The following ZPBP variants were observed in gnomAD, a reference collection of about 807,000 sequenced individuals.
The protein encoded by ZPBP is zona pellucida-binding protein 1.
ZPBP carries 26 observed loss-of-function variants against 44.8 expected under a neutral mutation model. The observed-to-expected ratio is 0.58, with a 90% CI of 0.43 to 0.81. ZPBP has a LOEUF of 0.81. Ranked by LOEUF, ZPBP falls within the 30% of genes least tolerant of loss-of-function variation. ZPBP has a pLI of 0.00. For missense variants in ZPBP, 409 were observed against 434.0 expected, an observed-to-expected ratio of 0.94 and a Z score of 0.51; for synonymous variants, 174 against 153.2, an observed-to-expected ratio of 1.14 and a Z score of -1.00.
intron 4 of ZPBP, among the ~76,000 whole-genome samples, chr7:50,040,127 T>G (rs1799999792): frequency 6.6e-6 from 1 of 152,124 alleles, no homozygotes; most frequent in Non-Finnish European, 1.5e-5. Flanking sequence ...TATATCCAAG[T>G]ATATCAATAA....
intron 6 of ZPBP, among the ~76,000 whole-genome samples, chr7:49,989,419 A>T (rs1280549604): frequency 6.6e-6 from 1 of 152,242 alleles, no homozygotes; most frequent in African/African-American, 2.4e-5. Flanking sequence ...CCTATCTGAG[A>T]TTCCTTGTGG....
chr7:49,932,601 G>A (rs1217948272), downstream of ZPBP, among the ~76,000 whole-genome samples: 1 of 152,170 alleles, frequency 6.6e-6, no homozygotes, highest in Non-Finnish European at 1.5e-5. Flanking sequence ...AGGCAGAAGG[G>A]ACTTGCCTTG....
At chr7:49,931,845 G>GC (rs201550989) in intron 1 of ZPBP, among the ~76,000 whole-genome samples, 1 of 152,214 alleles carries the variant, frequency 6.6e-6, no homozygotes, top group African/African-American at 2.4e-5. Context: ...AAGGCCTAGG[G>GC]CCCCCCTGCT....
At chr7:49,868,906 A>C (rs1791021185) in intron 2 of ZPBP, among the ~76,000 whole-genome samples, 1 of 152,278 alleles carries the variant, frequency 6.6e-6, no homozygotes, top group Non-Finnish European at 1.5e-5. Flanking sequence ...GGCATGAGCC[A>C]CTGCACCTGG....
chr7:50,031,022 AATTAACAACTTTTTTAACT>A, intron 5 of ZPBP, 51 bp downstream of exon 5: 1 of 1,318,708 alleles, frequency 7.6e-7, no homozygotes, highest in East Asian at 2.3e-5. Flanking sequence ...TGCTGTGAGT[AATTAACAACTTTTTTAACT>A]ATTAGTTATG....
chr7:49,960,954 G>C (rs763435445), intron 7 of ZPBP, among the ~76,000 whole-genome samples: 1 of 152,144 alleles, frequency 6.6e-6, no homozygotes, highest in Admixed American at 6.5e-5. Context: ...ACAAGTGGCT[G>C]TATAACACAA....
At chr7:50,077,072 T>C (rs940109055) in intron 3 of ZPBP, among the ~76,000 whole-genome samples, 18 of 151,408 alleles carry the variant, frequency 1.2e-4, no homozygotes, top group Non-Finnish European at 2.5e-4. Context: ...TGAAATAGAA[T>C]GGAGAACCCA....
chr7:50,081,045 T>C (rs575193884), intron 3 of ZPBP, among the ~76,000 whole-genome samples: 5 of 151,808 alleles, frequency 3.3e-5, no homozygotes, highest in Non-Finnish European at 5.9e-5. Context: ...CTGAGATCTC[T>C]TAGCTATATA....
intron 7 of ZPBP, among the ~76,000 whole-genome samples, chr7:49,962,802 T>G (rs1795909346): frequency 6.6e-6 from 1 of 151,790 alleles, no homozygotes; most frequent in Non-Finnish European, 1.5e-5. Flanking sequence ...AGTCAACATT[T>G]CTAGAAGAAA....
chr7:49,905,528 GAT>G lies in ZPBP; in HGVS notation n.412-4315_412-4314del, dbSNP rs1793037803. Among the ~76,000 whole-genome samples the G allele has an allele frequency of 2.0e-5, 3 of 152,308 alleles. 1 individual carries two copies. In the South Asian group the frequency reaches 6.2e-4, roughly 32 times the overall value. On this transcript the variant is annotated intron_variant and non_coding_transcript_variant, in intron 1 of 2. Coordinates refer to the ZPBP transcript ENST00000465922. ...TATATTTTAATGTGAGGTAAACCTT[GAT>G]TTCTATCATTTAAAAAAGAGTTTTA...
intron 7 of ZPBP, among the ~76,000 whole-genome samples, chr7:49,969,810 TATATATATAGAG>T (rs1796215352): frequency 8.8e-6 from 1 of 113,018 alleles, no homozygotes; most frequent in Admixed American, 9.2e-5. Context: ...AATGTATATA[TATATATATAGAG>T]AGAGAGAGAG....
Position 49,937,597 on chromosome 7 carries a change from G to T in ZPBP, c.987C>A (p.Asn329Lys), listed in dbSNP as rs200130406. ...CCVICSPGSY[N>K]PRDGIHCLQC... ...GAAGGCAATGAATTCCATCACGGGGGTTATATGATCCAGGGCTGCAGATCA... is the reference window on the plus strand; with the variant it reads ...GAAGGCAATGAATTCCATCACGGGGTTTATATGATCCAGGGCTGCAGATCA... The change falls in exon 8 of 8, where the codon AAC (asparagine) becomes AAA (lysine). Residue 329 changes from asparagine to lysine, a missense_variant. Around this residue, in one of 2 missense-constraint regions of ZPBP, gnomAD observed 42 missense variants for 71.0 expected, o/e 0.59. Transcript: ENST00000046087. 4.3e-6 allele frequency: 7 copies of T among 1,613,688 alleles called. No homozygotes were observed. The highest frequency in any genetic ancestry group is 2.7e-5 in the African/African-American group (2 of 74,894).
At chr7:49,997,281 AAACT>A (rs2128792139) in intron 6 of ZPBP, among the ~76,000 whole-genome samples, 1 of 152,296 alleles carries the variant, frequency 6.6e-6, no homozygotes, top group African/African-American at 2.4e-5. Flanking sequence ...CGAATCAATC[AAACT>A]GTTAGGCCCC....
chr7:50,066,242 T>C lies in ZPBP; in HGVS notation c.335-8101A>G, dbSNP rs573016858. Among the ~76,000 whole-genome samples, 9 of 150,830 alleles carry C rather than the reference T, an allele frequency of 6.0e-5. No homozygotes were observed. In the South Asian group the frequency reaches 1.9e-3, roughly 31 times the overall value. ...ATAGGAGAGAGGGTCTTCTTTGGTT[T>C]GAGCTATAAGCTCTCTTTCTTTTTT... is the stretch of plus-strand genomic sequence containing the variant. On this transcript the variant is annotated intron_variant, in intron 3 of 7. Coordinates refer to ENST00000046087, the MANE Select transcript of ZPBP (RefSeq NM_007009.3).
Position 49,895,054 on chromosome 7 carries a change from A to G in ZPBP, n.509+6064T>C, listed in dbSNP as rs145298256. Among the ~76,000 whole-genome samples the G allele has an allele frequency of 3.3e-3, 509 of 152,330 alleles. 1 individual carries two copies. Among genetic ancestry groups the G allele is most frequent in the African/African-American group, 0.011 (470 of 41,574 alleles). The stretch of plus-strand genomic sequence containing the variant: ...ATTCATGCTACTATAACAAAATACC[A>G]CAGGCTGGGTAATTTATAAACATCA... On this transcript the variant is annotated intron_variant and non_coding_transcript_variant, in intron 2 of 2. Transcript: ENST00000465922.
Position 49,981,314 on chromosome 7 carries a change from T to TATTA in ZPBP, c.961+2027_961+2028insTAAT, listed in dbSNP as rs1331081335. Among the ~76,000 whole-genome samples the TATTA allele has an allele frequency of 4.9e-3, 234 of 47,840 alleles. 1 individual carries two copies. The highest frequency in any genetic ancestry group is 0.012 in the African/African-American group (223 of 18,082). 31.4% of individuals were successfully genotyped at this position (47,840 alleles called of 152,430 possible). Reference sequence around the variant, plus strand: ...AATATATATTATATATAATTATATATTATATAATATATATTATAATTATAT... The same window carrying TATTA: ...AATATATATTATATATAATTATATATATTATATATAATATATATTATAATTATAT... On this transcript the variant is annotated intron_variant, in intron 7 of 7. Coordinates refer to ENST00000046087, the MANE Select transcript of ZPBP (RefSeq NM_007009.3).
At chr7:49,980,040 AT>A (rs1796731767) in intron 7 of ZPBP, among the ~76,000 whole-genome samples, 2 of 10,664 alleles carry the variant, frequency 1.9e-4, no homozygotes, top group Non-Finnish European at 1.8e-4. Flanking sequence ...TTATATTATA[AT>A]ATATATAATA....
At chr7:49,940,110 G>A (rs941552307) in intron 7 of ZPBP, among the ~76,000 whole-genome samples, 1 of 152,134 alleles carries the variant, frequency 6.6e-6, no homozygotes, top group Admixed American at 6.6e-5. Context: ...GGGAACATGG[G>A]TAGGAACTTT....
intron 2 of ZPBP, among the ~76,000 whole-genome samples, chr7:50,088,198 A>G (rs1265115014): frequency 6.6e-6 from 1 of 152,044 alleles, no homozygotes; most frequent in Non-Finnish European, 1.5e-5. Flanking sequence ...GCTTCAACAA[A>G]TGGTGATAAA....
Sources: allele counts gnomAD v4.1 joint callset (sites outside exome capture counted in the v4.1 genomes callset), GRCh38; gene constraint gnomAD v4.1.1; regional missense constraint gnomAD v4.1.1; transcripts MANE v1.5; gene names NCBI Gene and HGNC (gene_info 2026-07-23, HGNC 2026-07-21).